The following DSCAM variants were observed in gnomAD, a reference collection of about 807,000 sequenced individuals.
The protein encoded by DSCAM is cell adhesion molecule DSCAM.
DSCAM carries 47 observed loss-of-function variants against 217.7 expected under a neutral mutation model. The ratio of observed to expected loss-of-function variants is 0.22; its 90% CI spans 0.17 to 0.28. DSCAM has a LOEUF of 0.28. Among genes scored for constraint, DSCAM ranks in the 10% least tolerant of loss-of-function variants. The pLI is 1.00. For synonymous variants in DSCAM, 1,056 were observed against 1,015.3 expected (o/e 1.04, Z -0.76); for missense variants, 2,080 against 2,618.3 (o/e 0.79, Z 4.49).
At chr21:40,803,364 C>A (rs1427258182) in intron 1 of DSCAM, among the ~76,000 whole-genome samples, 1 of 152,206 alleles carries the variant, frequency 6.6e-6, no homozygotes, top group Non-Finnish European at 1.5e-5. Context: ...TATGCTACCC[C>A]ATTACCCACC....
intron 3 of DSCAM, among the ~76,000 whole-genome samples, chr21:40,686,649 T>C (rs1467613525): frequency 2.6e-5 from 4 of 152,318 alleles, no homozygotes; most frequent in Admixed American, 6.5e-5. Flanking sequence ...ATACACAGTT[T>C]GCAGCTTTCA....
intron 20 of DSCAM, among the ~76,000 whole-genome samples, chr21:40,115,564 T>G (rs183736798): frequency 1.3e-3 from 195 of 151,716 alleles, no homozygotes; most frequent in African/African-American, 4.2e-3. Context: ...TACAGTATAA[T>G]AATAAAAAAA....
chr21:40,697,166 G>C (rs969485184), intron 2 of DSCAM, among the ~76,000 whole-genome samples: 1 of 152,142 alleles, frequency 6.6e-6, no homozygotes, highest in Non-Finnish European at 1.5e-5. Flanking sequence ...TGTAATGTGT[G>C]TCTGTCTGAG....
rs763422894 is a variant in DSCAM, at chr21:40,042,411, T to A, written c.5646A>T (p.Gly1882=). Residue 1882 remains glycine, a synonymous_variant, in exon 32 of 33, where the codon GGA becomes GGT. Coordinates refer to ENST00000400454, the MANE Select transcript of DSCAM (RefSeq NM_001389.5). ...TASPPKPQDG[G]RVMNMAVPKA... ...TTGGAACTGCCATATTCATTACTCTTCCTCCATCCTGAGGTTTGGGGGGAG... is the reference window on the plus strand; with the variant it reads ...TTGGAACTGCCATATTCATTACTCTACCTCCATCCTGAGGTTTGGGGGGAG... The A allele has an allele frequency of 4.3e-6, 7 of 1,614,048 alleles. No individual in the cohort carries two copies. Among genetic ancestry groups the A allele is most frequent in the Non-Finnish European group, 5.9e-6 (7 of 1,180,028 alleles).
intron 11 of DSCAM, among the ~76,000 whole-genome samples, chr21:40,261,652 T>TATAC (rs1555895986): frequency 4.5e-5 from 6 of 133,446 alleles, no homozygotes; most frequent in South Asian, 2.4e-4. Flanking sequence ...TCTCTCTCTC[T>TATAC]ACACACACAC....
At chr21:40,347,540 A>C in intron 6 of DSCAM, 130 bp downstream of exon 6, 6 of 1,223,644 alleles carry the variant, frequency 4.9e-6, no homozygotes, top group Non-Finnish European at 6.8e-6. Flanking sequence ...AAATTAGGGT[A>C]GAGTACTAGC....
intron 1 of DSCAM, among the ~76,000 whole-genome samples, chr21:40,830,024 C>T (rs1325034121): frequency 6.6e-6 from 1 of 152,208 alleles, no homozygotes; most frequent in Non-Finnish European, 1.5e-5. Flanking sequence ...CTTACATTTC[C>T]AGTTTTCCAG....
At chr21:40,222,560 T>C (rs768445443) in intron 11 of DSCAM, among the ~76,000 whole-genome samples, 2 of 152,258 alleles carry the variant, frequency 1.3e-5, no homozygotes, top group African/African-American at 4.8e-5. Flanking sequence ...TTTCTTCATA[T>C]GCTTCAACGA....
At chr21:40,072,054 T>C (rs2089299079) in intron 27 of DSCAM, among the ~76,000 whole-genome samples, 1 of 152,234 alleles carries the variant, frequency 6.6e-6, no homozygotes, top group East Asian at 1.9e-4. Flanking sequence ...GAGATGAGTC[T>C]GCCCCTTGCA....
chr21:40,343,392 A>G (rs942151250), intron 6 of DSCAM, among the ~76,000 whole-genome samples: 1 of 152,220 alleles, frequency 6.6e-6, no homozygotes, highest in East Asian at 1.9e-4. Context: ...TTTAGTGTTT[A>G]ACCAGGAAGT....
intron 20 of DSCAM, among the ~76,000 whole-genome samples, chr21:40,104,312 T>C (rs1211303661): frequency 1.3e-5 from 2 of 152,098 alleles, no homozygotes; most frequent in Admixed American, 6.6e-5. Flanking sequence ...TTCTTAGTAA[T>C]AAAAATAATA....
chr21:40,578,164 C>T (rs148521932), intron 3 of DSCAM, among the ~76,000 whole-genome samples: 4 of 152,212 alleles, frequency 2.6e-5, no homozygotes, highest in Non-Finnish European at 5.9e-5. Flanking sequence ...AGGCTAACAC[C>T]GTCACAGCCT....
rs1555911095 is a variant in DSCAM, at chr21:40,376,568, T to TATATAGATATCTATATATCTTATATAG, written c.509-7324_509-7323insCTATATAAGATATATAGATATCTATAT. Among the ~76,000 whole-genome samples the TATATAGATATCTATATATCTTATATAG allele has an allele frequency of 5.8e-4, 28 of 48,290 alleles. 5 individuals carry two copies. Among genetic ancestry groups the TATATAGATATCTATATATCTTATATAG allele is most frequent in the African/African-American group, 2.7e-3 (26 of 9,608 alleles). 31.7% of individuals were successfully genotyped at this position (48,290 alleles called of 152,430 possible). A position where few individuals can be genotyped will look rare whatever the true frequency, so the allele number is the denominator to read the frequency against. On this transcript the variant is annotated intron_variant, in intron 3 of 32. Coordinates refer to ENST00000400454, the MANE Select transcript of DSCAM (RefSeq NM_001389.5). Reference sequence around the variant, plus strand: ...ATCTTATATCGATATCTATATATCTTATATCGATATCTATATATCTTATAT... The same window carrying TATATAGATATCTATATATCTTATATAG: ...ATCTTATATCGATATCTATATATCTTATATAGATATCTATATATCTTATATAGATATCGATATCTATATATCTTATAT...
chr21:40,785,984 C>A (rs1354062037), intron 1 of DSCAM, among the ~76,000 whole-genome samples: 1 of 152,190 alleles, frequency 6.6e-6, no homozygotes, highest in Non-Finnish European at 1.5e-5. Context: ...TGCCTGTAAT[C>A]CCAGCACTTT....
At chr21:40,594,795 T>C (rs1262817772) in intron 3 of DSCAM, among the ~76,000 whole-genome samples, 3 of 152,204 alleles carry the variant, frequency 2.0e-5, no homozygotes, top group Non-Finnish European at 4.4e-5. Context: ...ATGATTGTGT[T>C]TTTGGTGTTA....
At chr21:40,711,974 C>G (rs572680642) in intron 1 of DSCAM, among the ~76,000 whole-genome samples, 2 of 152,256 alleles carry the variant, frequency 1.3e-5, no homozygotes, top group East Asian at 1.9e-4. Flanking sequence ...CCTCTACAAC[C>G]ATGTCTTTCT....
intron 16 of DSCAM, among the ~76,000 whole-genome samples, chr21:40,158,936 T>C (rs536109771): frequency 6.6e-6 from 1 of 152,382 alleles, no homozygotes; most frequent in Non-Finnish European, 1.5e-5. Context: ...TGTTATGGGC[T>C]ATCTTGAAAT....
At chr21:40,042,802 C>T in intron 31 of DSCAM, 129 bp from the exon 32 acceptor site, 2 of 882,472 alleles carry the variant, frequency 2.3e-6, no homozygotes, top group Non-Finnish European at 3.4e-6. Context: ...GTTCTGGCTC[C>T]TTGGCGGAGG....
chr21:40,699,442 T>C (rs1238722335), intron 2 of DSCAM, among the ~76,000 whole-genome samples: 5 of 152,230 alleles, frequency 3.3e-5, no homozygotes, highest in Non-Finnish European at 7.3e-5. Flanking sequence ...CTAGAAATGA[T>C]TAAACTTAGT....
Sources: allele counts gnomAD v4.1 joint callset (sites outside exome capture counted in the v4.1 genomes callset), GRCh38; gene constraint gnomAD v4.1.1; transcripts MANE v1.5; gene names NCBI Gene and HGNC (gene_info 2026-07-23, HGNC 2026-07-21).